IRF3: variants seen among roughly 807,000 people sequenced by gnomAD.
IRF3 encodes the protein interferon regulatory factor 3.
A neutral mutation model predicts 43.2 loss-of-function variants in IRF3; 29 were observed. The observed-to-expected ratio is 0.67, with a 90% CI of 0.50 to 0.91. The LOEUF (loss-of-function observed/expected upper bound fraction) is 0.91, where lower values mean the gene tolerates loss of function less well. Among genes scored for constraint, IRF3 ranks in the 40% least tolerant of loss-of-function variants. The pLI is 0.00. For synonymous variants in IRF3, 228 were observed against 233.9 expected, an observed-to-expected ratio of 0.97 and a Z score of 0.23; for missense variants, 505 against 559.1, an observed-to-expected ratio of 0.90 and a Z score of 0.98.
chr19:49,663,097 A>G, intron 4 of IRF3, 91 bp downstream of exon 4: 1 of 1,136,944 alleles, frequency 8.8e-7, no homozygotes, highest in South Asian at 1.3e-5. Context: ...GGCTGGAGGC[A>G]GGGGAGTGGG....
In IRF3 at chr19:49,660,838, C is replaced by A. The variant is rs771142216; in HGVS notation, c.983-10G>T. 4.4e-6 allele frequency: 7 copies of A among 1,584,056 alleles called. No individual in the cohort carries two copies. The highest frequency in any genetic ancestry group is 6.0e-6 in the Non-Finnish European group (7 of 1,165,282). ...GTGAAGGTAATCAGATCTGGGGGCC[C>A]AGGAGCCTAGTCAGGGATGAGAAGA... On this transcript the variant is annotated splice_polypyrimidine_tract_variant and intron_variant, in intron 6 of 7. Transcript: ENST00000377139.
intron 7 of IRF3, 56 bp from the exon 8 acceptor site, chr19:49,659,889 G>C: frequency 6.5e-7 from 1 of 1,529,184 alleles, no homozygotes; most frequent in Non-Finnish European, 8.8e-7. Flanking sequence ...TGTCCACCAA[G>C]GTAGGAGTCA....
At chr19:49,660,093 A>G (rs912942881) in intron 7 of IRF3, among the ~76,000 whole-genome samples, 1 of 130,592 alleles carries the variant, frequency 7.7e-6, no homozygotes. Context: ...CACACACACA[A>G]ACACACACAC....
rs150208335 is a variant in IRF3, at chr19:49,665,824, A to G, written c.-202T>C. On this transcript the variant is annotated 5_prime_UTR_variant, in exon 1 of 8. Coordinates refer to ENST00000377139, the MANE Select transcript of IRF3 (RefSeq NM_001571.6). Reference sequence around the variant, plus strand: ...CTTTGGGTAACAGACCCAAAAGCCGATGGGACGGCCCGCTGGGCTGTTCCC... The same window carrying G: ...CTTTGGGTAACAGACCCAAAAGCCGGTGGGACGGCCCGCTGGGCTGTTCCC... 5.4e-5 allele frequency: 85 copies of G among 1,587,966 alleles called. No individual in the cohort carries two copies. In the African/African-American group the frequency reaches 1.1e-3, roughly 20 times the overall value.
rs371387640 is a variant in IRF3 at position 49,662,220 on chromosome 19, G to A, written c.710C>T (p.Thr237Met). The change falls in exon 6 of 8, where the codon ACG becomes ATG. Residue 237 changes from threonine (T) to methionine (M), a missense_variant. Transcript: ENST00000377139. ...CAGTGTGACTGGCCATCCAGGCAGC[G>A]TCCTGTCTCCCACTTCGGACCCCAC... ...RLVGSEVGDR[T>M]LPGWPVTLPD... The A allele has an allele frequency of 6.2e-5, 100 of 1,613,910 alleles. No homozygotes were observed. The highest frequency in any genetic ancestry group is 2.2e-4 in the East Asian group (10 of 44,898).
At chr19:49,660,980 TTCCC>T (rs1233638412) in intron 6 of IRF3, 152 bp from the exon 7 acceptor site, 122 of 833,296 alleles carry the variant, frequency 1.5e-4, no homozygotes, top group Middle Eastern at 3.4e-4. Context: ...AGTCCCCTCC[TTCCC>T]TCCCTCCCTC....
At chr19:49,660,091 C>G (rs763588160) in intron 7 of IRF3, among the ~76,000 whole-genome samples, 1 of 150,086 alleles carries the variant, frequency 6.7e-6, no homozygotes, top group Non-Finnish European at 1.5e-5. Flanking sequence ...CACACACACA[C>G]AAACACACAC....
chr19:49,663,630 T>C, intron 2 of IRF3, 116 bp from the exon 3 acceptor site: 1 of 963,632 alleles, frequency 1.0e-6, no homozygotes, highest in Non-Finnish European at 1.5e-6. Context: ...AAGTTCTAAC[T>C]CTGCAAGGTC....
chr19:49,659,906 G>A, intron 7 of IRF3, 73 bp from the exon 8 acceptor site: 3 of 1,490,742 alleles, frequency 2.0e-6, no homozygotes, highest in Non-Finnish European at 2.7e-6. Context: ...GTCAGGGCTT[G>A]GAGGACTACA....
At chr19:49,663,306 G>A (rs775216351) in intron 3 of IRF3, 37 bp downstream of exon 3, 5 of 1,613,946 alleles carry the variant, frequency 3.1e-6, no homozygotes, top group South Asian at 1.1e-5. Context: ...GAACCCTTGG[G>A]GCCCCAGCCT....
chr19:49,660,853 G>A, intron 6 of IRF3, 25 bp from the exon 7 acceptor site: 1 of 1,570,734 alleles, frequency 6.4e-7, no homozygotes. Flanking sequence ...GCCTAGTCAG[G>A]GATGAGAAGA....
chr19:49,664,918 C>G, intron 1 of IRF3, 72 bp from the exon 2 acceptor site: 1 of 1,475,840 alleles, frequency 6.8e-7, no homozygotes, highest in South Asian at 1.3e-5. Flanking sequence ...TTTCCGCACC[C>G]AGACCTCCTT....
chr19:49,665,484 C>T (rs976141517), intron 1 of IRF3, 147 bp downstream of exon 1: 9 of 234,862 alleles, frequency 3.8e-5, no homozygotes, highest in African/African-American at 1.1e-4. Context: ...TGCAGCCGAC[C>T]TCCAGCGTCG....
chr19:49,661,951 C>T lies in IRF3; in HGVS notation c.979G>A (p.Val327Ile), dbSNP rs2081350439. The change falls in exon 6 of 8, where the codon GTA (valine) becomes ATA (isoleucine). Residue 327 changes from valine to isoleucine, a missense_variant. Coordinates refer to ENST00000377139, the MANE Select transcript of IRF3 (RefSeq NM_001571.6). Reference protein sequence around the residue: ...GGVFDLGPFIVDLITFTEGSG... With the variant: ...GGVFDLGPFIIDLITFTEGSG... ...TCGAAGCCCCTGTCTCACTCACCTA[C>T]AATGAAGGGCCCCAGGTCAAACACG... 6.2e-7 allele frequency: 1 copy of T among 1,604,788 alleles called. No individual in the cohort carries two copies. Among genetic ancestry groups the T allele is most frequent in the Non-Finnish European group, 8.5e-7 (1 of 1,173,898 alleles).
intron 4 of IRF3, 51 bp downstream of exon 4, chr19:49,663,137 C>T (rs768902475): frequency 2.0e-6 from 3 of 1,488,780 alleles, no homozygotes; most frequent in African/African-American, 2.8e-5. Flanking sequence ...GGACAAGGCC[C>T]ATGGAGACAG....
Position 49,665,639 on chromosome 19 carries a change from GA to G in IRF3, c.-18del. ...GGGCTCTTCCGCGTTACCTACGATG[GA>G]AGGTCGGGGCGTGCGGGCAGCTGGA... On this transcript the variant is annotated 5_prime_UTR_variant, in exon 1 of 8. Coordinates refer to ENST00000377139, the MANE Select transcript of IRF3 (RefSeq NM_001571.6). 1 of 717,600 alleles carries G rather than the reference GA, an allele frequency of 1.4e-6. No individual in the cohort carries two copies. Among genetic ancestry groups the G allele is most frequent in the South Asian group, 2.0e-5 (1 of 51,106 alleles). The allele number at this position is 717,600 out of a possible 1,614,324, so 44.5% of individuals were successfully genotyped here. A position where few individuals can be genotyped will look rare whatever the true frequency, so the allele number is the denominator to read the frequency against.
chr19:49,660,231 C>T (rs1229539740), intron 7 of IRF3, among the ~76,000 whole-genome samples: 2 of 152,118 alleles, frequency 1.3e-5, no homozygotes, highest in Non-Finnish European at 2.9e-5. Context: ...CCCCAACCCC[C>T]CTACGGCTTG....
At chr19:49,660,294 T>C (rs1307261896) in intron 7 of IRF3, among the ~76,000 whole-genome samples, 2 of 152,134 alleles carry the variant, frequency 1.3e-5, no homozygotes, top group Middle Eastern at 3.2e-3. Flanking sequence ...GGAATATTAC[T>C]GCCTGAGCTC....
chr19:49,664,752 C>T lies in IRF3; in HGVS notation c.87G>A (p.Lys29=), dbSNP rs551453557. The change falls in exon 2 of 8, where the codon AAG becomes AAA. Residue 29 remains lysine, a synonymous_variant. Transcript: ENST00000377139. ...GQLEGVAWVN[K]SRTRFRIPWK... Reference sequence around the variant, plus strand: ...AAGGGATGCGGAAGCGCGTGCGGCTCTTGTTCACCCAGGCCACGCCCTCCA... The same window carrying T: ...AAGGGATGCGGAAGCGCGTGCGGCTTTTGTTCACCCAGGCCACGCCCTCCA... The T allele has an allele frequency of 1.9e-6, 3 of 1,613,944 alleles. No individual in the cohort carries two copies. In the African/African-American group the frequency reaches 4.0e-5, roughly 22 times the overall value.
Sources: allele counts gnomAD v4.1 joint callset (sites outside exome capture counted in the v4.1 genomes callset), GRCh38; gene constraint gnomAD v4.1.1; transcripts MANE v1.5; gene names NCBI Gene and HGNC (gene_info 2026-07-23, HGNC 2026-07-21).